Variants in TUBB8B observed in about 807,000 individuals in gnomAD.
The protein encoded by TUBB8B is tubulin beta 8B, also known as HSA18p11 beta-tubulin 4Q pseudogene.
TUBB8B carries 26 observed loss-of-function variants against 31.9 expected under a neutral mutation model. The ratio of observed to expected loss-of-function variants is 0.81; its 90% CI spans 0.60 to 1.13. The LOEUF (loss-of-function observed/expected upper bound fraction) is 1.13, where lower values mean the gene tolerates loss of function less well. Ranked by LOEUF, TUBB8B falls within the 50% of genes most tolerant of loss-of-function variation. TUBB8B has a pLI of 0.00. For synonymous variants in TUBB8B, 173 were observed against 231.0 expected (o/e 0.75, Z 2.28); for missense variants, 467 against 586.7 (o/e 0.80, Z 2.11).
chr18:72,196 A>AAAAAAAAAAAAAAAAAAAAAACAAC, the TUBB8B span, among the ~76,000 whole-genome samples: 32 of 84,490 alleles, frequency 3.8e-4, no homozygotes, highest in Middle Eastern at 6.6e-3. Context: ...AAAAAAAAAA[A>AAAAAAAAAAAAAAAAAAAAAACAAC]AAAGGAAAAA....
At chr18:59,824 G>A in the TUBB8B span, among the ~76,000 whole-genome samples, 530 of 151,840 alleles carry the variant, frequency 3.5e-3, 8 homozygotes, top group African/African-American at 0.012. Flanking sequence ...GATTACAGGC[G>A]TGAGCCACTG....
the TUBB8B span, among the ~76,000 whole-genome samples, chr18:60,863 T>C: frequency 2.0e-5 from 3 of 151,760 alleles, no homozygotes; most frequent in Non-Finnish European, 4.4e-5. Flanking sequence ...TTTTTAGACT[T>C]GTTACATAAT....
upstream of TUBB8B, among the ~76,000 whole-genome samples, chr18:53,939 A>C (rs1568386179): frequency 1.3e-5 from 2 of 151,744 alleles, no homozygotes; most frequent in Non-Finnish European, 2.9e-5. Context: ...CATACCTCTT[A>C]GTTTCAAGAT....
rs757120589 is a variant in TUBB8B at position 48,123 on chromosome 18, C to A, written c.602G>T (p.Cys201Phe). The A allele has an allele frequency of 1.9e-6, 3 of 1,614,160 alleles. No homozygotes were observed. The South Asian group carries it at 3.3e-5, about 18-fold the overall frequency. The change falls in exon 4 of 4, where the codon TGC becomes TTC. Residue 201 changes from cysteine to phenylalanine, a missense_variant. Around this residue, in one of 2 missense-constraint regions of TUBB8B, gnomAD observed 259 missense variants for 380.1 expected, o/e 0.68. Transcript: ENST00000308911. ...GTCATATAGCGCTTCGTTATCTATGCAGAAGGTCTCATCCGCGTTTTCTAT... is the reference window on the plus strand; with the variant it reads ...GTCATATAGCGCTTCGTTATCTATGAAGAAGGTCTCATCCGCGTTTTCTAT... ...QLIENADETF[C>F]IDNEALYDIC... is the part of the protein sequence containing the mutation.
the TUBB8B span, among the ~76,000 whole-genome samples, chr18:54,654 T>C: frequency 2.0e-5 from 3 of 151,980 alleles, no homozygotes; most frequent in Non-Finnish European, 4.4e-5. Context: ...GCCTGACTTA[T>C]TTCACTTAAC....
upstream of TUBB8B, among the ~76,000 whole-genome samples, chr18:54,258 TG>T (rs1277415226): frequency 6.6e-6 from 1 of 151,738 alleles, no homozygotes; most frequent in Non-Finnish European, 1.5e-5. Context: ...TTAATTTTTA[TG>T]GGTACATAGT....
At chr18:63,714 A>AACCCTAACC in the TUBB8B span, among the ~76,000 whole-genome samples, 3 of 137,620 alleles carry the variant, frequency 2.2e-5, no homozygotes, top group South Asian at 2.6e-4. Context: ...TAACCCTAAC[A>AACCCTAACC]CTAACCCTAA....
rs527517095 is a variant in TUBB8B, at chr18:47,653, G to T, written c.1072C>A (p.Pro358Thr). Reference sequence around the variant, plus strand: ...GTGGCTGACATTTTTAGCCCCCGGGGTGGGATGTCACAGACGGCTGTTTTT... The same window carrying T: ...GTGGCTGACATTTTTAGCCCCCGGGTTGGGATGTCACAGACGGCTGTTTTT... ...NVKTAVCDIP[P>T]RGLKMSATFI... Residue 358 changes from proline (P) to threonine (T), a missense_variant, in exon 4 of 4, where the codon CCC (proline) becomes ACC (threonine). By Grantham distance (38) the Pro-to-Thr change is conservative (BLOSUM62 -1). This residue lies in a region of TUBB8B where 208 missense variants were observed against 206.7 expected (regional missense o/e 1.01). Coordinates refer to ENST00000308911, the MANE Select transcript of TUBB8B (RefSeq NM_001358689.2). 5 of 1,612,550 alleles carry T rather than the reference G, an allele frequency of 3.1e-6. No individual in the cohort carries two copies. The highest frequency in any genetic ancestry group is 4.2e-6 in the Non-Finnish European group (5 of 1,179,406).
the TUBB8B span, among the ~76,000 whole-genome samples, chr18:63,467 T>C: frequency 1.3e-5 from 2 of 151,270 alleles, no homozygotes; most frequent in African/African-American, 2.4e-5. Flanking sequence ...TGCTAAGCCA[T>C]GTGGAGCTGG....
At chr18:68,598 A>C in the TUBB8B span, among the ~76,000 whole-genome samples, 5 of 152,158 alleles carry the variant, frequency 3.3e-5, no homozygotes, top group Admixed American at 3.3e-4. Context: ...TGCTCTCCTC[A>C]GTGCAACCCA....
chr18:54,795 G>A, the TUBB8B span, among the ~76,000 whole-genome samples: 1 of 151,920 alleles, frequency 6.6e-6, no homozygotes, highest in East Asian at 1.9e-4. Flanking sequence ...GGACATTTAG[G>A]TTTCTTCCAA....
At chr18:63,448 CTCTT>C in the TUBB8B span, among the ~76,000 whole-genome samples, 2 of 151,652 alleles carry the variant, frequency 1.3e-5, no homozygotes, top group Non-Finnish European at 2.9e-5. Flanking sequence ...CCAGCAGTCT[CTCTT>C]TCTGTGCTAA....
the TUBB8B span, among the ~76,000 whole-genome samples, chr18:59,068 G>GC: frequency 6.6e-5 from 10 of 151,798 alleles, no homozygotes; most frequent in Non-Finnish European, 1.5e-5. Flanking sequence ...ATGGTGCTAA[G>GC]CCATTTATGA....
chr18:65,403 A>C, the TUBB8B span, among the ~76,000 whole-genome samples: 1 of 152,182 alleles, frequency 6.6e-6, no homozygotes, highest in Non-Finnish European at 1.5e-5. Flanking sequence ...TTTTCTCAGA[A>C]AATCAAGCTG....
the TUBB8B span, among the ~76,000 whole-genome samples, chr18:59,407 T>C: frequency 6.6e-6 from 1 of 151,756 alleles, no homozygotes; most frequent in African/African-American, 2.4e-5. Flanking sequence ...GCTGGGGGTC[T>C]GTCATATATG....
the TUBB8B span, among the ~76,000 whole-genome samples, chr18:73,008 G>A: frequency 6.6e-6 from 1 of 152,078 alleles, no homozygotes; most frequent in Non-Finnish European, 1.5e-5. Flanking sequence ...TGATCCGGGG[G>A]TGCCTGTTTC....
At chr18:49,410 G>A (rs1209366919) in intron 1 of TUBB8B, 91 bp downstream of exon 1, 2 of 839,772 alleles carry the variant, frequency 2.4e-6, no homozygotes, top group Non-Finnish European at 3.8e-6. Flanking sequence ...CCCAGGGGCC[G>A]CAATGCAGGG....
the TUBB8B span, among the ~76,000 whole-genome samples, chr18:65,950 G>A: frequency 5.3e-5 from 8 of 151,872 alleles, no homozygotes; most frequent in Admixed American, 5.3e-4. Flanking sequence ...CATTCCAGAC[G>A]GGGGGTGGTG....
At chr18:54,743 G>A in the TUBB8B span, among the ~76,000 whole-genome samples, 1 of 151,948 alleles carries the variant, frequency 6.6e-6, no homozygotes, top group Non-Finnish European at 1.5e-5. Context: ...GTACTTCATT[G>A]TGTATATGTA....
Sources: gnomAD v4.1 joint callset for allele counts (sites outside exome capture counted in the v4.1 genomes callset) on GRCh38, gnomAD v4.1.1 for gene constraint, gnomAD v4.1.1 regional missense constraint, MANE v1.5 for transcripts, NCBI Gene and HGNC (gene_info 2026-07-23, HGNC 2026-07-21) for gene names.